BMERB1: variants seen among roughly 807,000 people sequenced by gnomAD.
The protein encoded by BMERB1 is bMERB domain containing 1.
Under a neutral mutation model 23.6 loss-of-function variants are expected in BMERB1, and 12 were observed. The ratio of observed to expected loss-of-function variants is 0.51; its 90% CI spans 0.33 to 0.82. The LOEUF is 0.82. Ranked by LOEUF, BMERB1 falls within the 40% of genes least tolerant of loss-of-function variation. The pLI, the probability that BMERB1 is intolerant of heterozygous loss-of-function variation, is 0.03. For synonymous variants in BMERB1, 122 were observed against 96.6 expected (o/e 1.26, Z -1.54); for missense variants, 247 against 255.4 (o/e 0.97, Z 0.22).
At chr16:15,536,516 C>G (rs1262201098) in intron 2 of BMERB1, 1 of 152,346 alleles carries the variant, frequency 6.6e-6, no homozygotes, top group Non-Finnish European at 1.5e-5. Flanking sequence ...TAACGCATCC[C>G]TTGCCCCAGA....
At chr16:15,554,273 C>G (rs1233596947) in intron 2 of BMERB1, among the ~76,000 whole-genome samples, 1 of 152,140 alleles carries the variant, frequency 6.6e-6, no homozygotes, top group Admixed American at 6.6e-5. Context: ...AAGTTCCTAC[C>G]ACTTACTCTG....
At chr16:15,490,490 C>T (rs1418103981) in intron 1 of BMERB1, among the ~76,000 whole-genome samples, 1 of 152,090 alleles carries the variant, frequency 6.6e-6, no homozygotes, top group Non-Finnish European at 1.5e-5. Flanking sequence ...GCTATGTTGC[C>T]CAGGCTGATC....
intron 2 of BMERB1, among the ~76,000 whole-genome samples, chr16:15,556,800 G>A (rs2030272075): frequency 6.6e-6 from 1 of 152,126 alleles, no homozygotes; most frequent in African/African-American, 2.4e-5. Flanking sequence ...TGGCCAGGCT[G>A]GTCTCGATTT....
chr16:15,444,123 G>GTTTTTTTGTTTTTTTTTT (rs2050966633), intron 1 of BMERB1, among the ~76,000 whole-genome samples: 1 of 35,610 alleles, frequency 2.8e-5, no homozygotes, highest in African/African-American at 1.3e-4. Context: ...CACCAGCTTT[G>GTTTTTTTGTTTTTTTTTT]TTTTTTTTTT....
At chr16:15,463,037 G>C (rs946540849) in intron 1 of BMERB1, among the ~76,000 whole-genome samples, 1 of 151,786 alleles carries the variant, frequency 6.6e-6, no homozygotes, top group African/African-American at 2.4e-5. Context: ...ATAAAGTGCA[G>C]CAAAAATGAT....
chr16:15,434,855 AC>A, intron 1 of BMERB1, 96 bp downstream of exon 1: 1 of 1,063,058 alleles, frequency 9.4e-7, no homozygotes, highest in Non-Finnish European at 1.3e-6. Context: ...CCAGCAGTGG[AC>A]CCAGGGAAGC....
At chr16:15,496,683 C>T (rs903432747) in intron 1 of BMERB1, among the ~76,000 whole-genome samples, 4 of 151,896 alleles carry the variant, frequency 2.6e-5, no homozygotes, top group Non-Finnish European at 4.4e-5. Context: ...GGACTACAGG[C>T]GCCCGCCACC....
chr16:15,471,763 A>G (rs935462140), intron 1 of BMERB1, among the ~76,000 whole-genome samples: 1 of 152,032 alleles, frequency 6.6e-6, no homozygotes, highest in Non-Finnish European at 1.5e-5. Flanking sequence ...TTTTTTGTAG[A>G]GATGGGGTCT....
At chr16:15,480,484 C>A (rs2051310358) in intron 1 of BMERB1, among the ~76,000 whole-genome samples, 1 of 151,964 alleles carries the variant, frequency 6.6e-6, no homozygotes, top group Admixed American at 6.6e-5. Context: ...TCTATCCTAT[C>A]CCTACTAATT....
chr16:15,439,162 A>G (rs1269746773), intron 1 of BMERB1, among the ~76,000 whole-genome samples: 3 of 152,216 alleles, frequency 2.0e-5, no homozygotes, highest in South Asian at 2.1e-4. Context: ...AAGATATGTA[A>G]TGTGCTATAT....
At chr16:15,518,136 G>A (rs1422381448) in intron 2 of BMERB1, among the ~76,000 whole-genome samples, 1 of 152,142 alleles carries the variant, frequency 6.6e-6, no homozygotes, top group Non-Finnish European at 1.5e-5. Flanking sequence ...TTCTTAAGAG[G>A]CAGCTCTGCA....
At position 15,586,796 on chromosome 16, in the gene BMERB1, T is replaced by C; in HGVS notation, c.582T>C (p.Asp194=). Residue 194 remains aspartate (D), a synonymous_variant, in exon 6 of 6, where the codon GAT becomes GAC. Coordinates refer to ENST00000300006, the MANE Select transcript of BMERB1 (RefSeq NM_033201.3). ...VAKTGLALIK[D]CCGATQCNIM is the part of the protein sequence containing the mutation. ...AGACGGGGCTGGCACTGATCAAGGA[T>C]TGTTGCGGGGCCACCCAGTGCAACA... The C allele has an allele frequency of 6.2e-7, 1 of 1,611,118 alleles. No individual in the cohort carries two copies.
chr16:15,531,049 C>T (rs2051962539), intron 2 of BMERB1, among the ~76,000 whole-genome samples: 1 of 151,908 alleles, frequency 6.6e-6, no homozygotes. Flanking sequence ...GGATTACAGG[C>T]ACCCGCTGCC....
chr16:15,466,523 A>T (rs2051181941), intron 1 of BMERB1, among the ~76,000 whole-genome samples: 1 of 152,008 alleles, frequency 6.6e-6, no homozygotes, highest in South Asian at 2.1e-4. Context: ...CTGTCTTTTA[A>T]AAAAAGACTT....
intron 4 of BMERB1, among the ~76,000 whole-genome samples, chr16:15,582,318 T>A (rs2031035064): frequency 6.6e-6 from 1 of 151,934 alleles, no homozygotes; most frequent in African/African-American, 2.4e-5. Context: ...AAACAATCAT[T>A]TGAACCCAGG....
At chr16:15,555,625 A>T (rs1404910544) in intron 2 of BMERB1, among the ~76,000 whole-genome samples, 1 of 152,180 alleles carries the variant, frequency 6.6e-6, no homozygotes, top group Non-Finnish European at 1.5e-5. Flanking sequence ...GTCCATTAAA[A>T]TGGCCACAGA....
At chr16:15,506,563 A>G (rs2051594245) in intron 1 of BMERB1, among the ~76,000 whole-genome samples, 1 of 152,136 alleles carries the variant, frequency 6.6e-6, no homozygotes, top group African/African-American at 2.4e-5. Context: ...AGATAGTATT[A>G]AGGAATTGAA....
intron 3 of BMERB1, among the ~76,000 whole-genome samples, chr16:15,568,785 G>A (rs1480703735): frequency 6.6e-6 from 1 of 152,202 alleles, no homozygotes; most frequent in African/African-American, 2.4e-5. Flanking sequence ...CAGATGAAGT[G>A]TGTACAAACT....
At chr16:15,443,119 G>A (rs2050955547) in intron 1 of BMERB1, among the ~76,000 whole-genome samples, 1 of 152,094 alleles carries the variant, frequency 6.6e-6, no homozygotes, top group Non-Finnish European at 1.5e-5. Flanking sequence ...ATAGTGGCAT[G>A]CATCTGTAAT....
Sources: gnomAD v4.1 joint callset for allele counts (sites outside exome capture counted in the v4.1 genomes callset) on GRCh38, gnomAD v4.1.1 for gene constraint, MANE v1.5 for transcripts, NCBI Gene and HGNC (gene_info 2026-07-23, HGNC 2026-07-21) for gene names.